The following ADAM19 variants were observed in gnomAD, a reference collection of about 807,000 sequenced individuals.
The protein encoded by ADAM19 is ADAM metallopeptidase domain 19, also known as disintegrin and metalloproteinase domain-containing protein 19.
A neutral mutation model predicts 114.7 loss-of-function variants in ADAM19; 65 were observed. The observed-to-expected ratio is 0.57, with a 90% CI of 0.46 to 0.70. The LOEUF is 0.70. Ranked by LOEUF, ADAM19 falls within the 30% of genes least tolerant of loss-of-function variation. ADAM19 has a pLI of 0.00. For missense variants in ADAM19, 1,063 were observed against 1,204.7 expected, an observed-to-expected ratio of 0.88 and a Z score of 1.74; for synonymous variants, 466 against 460.5, an observed-to-expected ratio of 1.01 and a Z score of -0.15.
Position 157,492,991 on chromosome 5 carries a change from G to T in ADAM19, c.1890C>A (p.Thr630=). The change falls in exon 16 of 23, where the codon ACC becomes ACA. Residue 630 remains threonine, a synonymous_variant. Transcript: ENST00000257527. The stretch of plus-strand genomic sequence containing the variant: ...GACTCACATGGTTGTAGCCACACTT[G>T]GTTCCAGTCATCACCAGCCCTGGGT... ...MLDPGLVMTG[T]KCGYNHICFE... is the part of the protein sequence containing the mutation. The T allele has an allele frequency of 1.9e-6, 3 of 1,614,214 alleles. No individual in the cohort carries two copies. The highest frequency in any genetic ancestry group is 1.1e-5 in the South Asian group (1 of 91,084).
At chr5:157,562,097 C>A (rs989857094) in intron 3 of ADAM19, among the ~76,000 whole-genome samples, 1 of 152,128 alleles carries the variant, frequency 6.6e-6, no homozygotes, top group African/African-American at 2.4e-5. Flanking sequence ...TGTTTTGAAT[C>A]CGGACTCGCA....
chr5:157,537,855 T>C, intron 4 of ADAM19, 58 bp downstream of exon 4: 2 of 1,488,194 alleles, frequency 1.3e-6, no homozygotes, highest in East Asian at 2.3e-5. Flanking sequence ...CCTGAGGTCC[T>C]AGGAGTAGGG....
chr5:157,500,793 A>G (rs1394313723), intron 12 of ADAM19, among the ~76,000 whole-genome samples: 1 of 152,160 alleles, frequency 6.6e-6, no homozygotes, highest in East Asian at 1.9e-4. Context: ...GAGGCGTTCC[A>G]GTGACCCTGA....
intron 3 of ADAM19, among the ~76,000 whole-genome samples, chr5:157,561,920 G>A (rs891263819): frequency 2.6e-4 from 39 of 150,150 alleles, no homozygotes; most frequent in Admixed American, 2.4e-3. Flanking sequence ...ACAGAGGCAC[G>A]TAGATTAAAA....
chr5:157,567,745 T>A (rs764890986), intron 2 of ADAM19, among the ~76,000 whole-genome samples: 12 of 150,456 alleles, frequency 8.0e-5, no homozygotes, highest in Non-Finnish European at 7.4e-5. Context: ...TGCGGTAAGC[T>A]GAGATCACGC....
intron 1 of ADAM19, among the ~76,000 whole-genome samples, chr5:157,574,727 T>A (rs6890282): frequency 1.3e-5 from 2 of 151,916 alleles, no homozygotes; most frequent in Non-Finnish European, 2.9e-5. Context: ...AATCTGCTTA[T>A]AGCCCCCGAG....
chr5:157,509,453 C>T lies in ADAM19; in HGVS notation c.753G>A (p.Leu251=). ...ANYVDKFYRS[L]NIRIALVGLE... ...AGCCCACGAGAGCAATCCGGATGTT[C>T]AAGGATCGGTAAAACTGAAAGGACA... Residue 251 remains leucine, a synonymous_variant, in exon 9 of 23, where the codon TTG becomes TTA. Transcript: ENST00000257527. 6.3e-7 allele frequency: 1 copy of T among 1,597,180 alleles called. No individual in the cohort carries two copies. Among genetic ancestry groups the T allele is most frequent in the Non-Finnish European group, 8.5e-7 (1 of 1,170,410 alleles).
chr5:157,524,139 G>C (rs1581327215), intron 5 of ADAM19, among the ~76,000 whole-genome samples: 1 of 152,244 alleles, frequency 6.6e-6, no homozygotes, highest in Non-Finnish European at 1.5e-5. Context: ...TGTGGTTCCA[G>C]GGGCTGTCCC....
Position 157,562,403 on chromosome 5 carries a change from G to A in ADAM19, c.251+1970C>T, listed in dbSNP as rs1352114424. ...AAGCAGATGCTAGAACCACAGCCCC[G>A]GGCTCTCCTCTGGAGCCTCAGTGTG... On this transcript the variant is annotated intron_variant, in intron 3 of 22. Coordinates refer to ENST00000257527, the MANE Select transcript of ADAM19 (RefSeq NM_033274.5). Among the ~76,000 whole-genome samples the A allele has an allele frequency of 3.3e-5, 5 of 152,268 alleles. No individual in the cohort carries two copies. The South Asian group carries it at 6.2e-4, about 19-fold the overall frequency.
At chr5:157,523,416 T>C (rs886243571) in intron 5 of ADAM19, among the ~76,000 whole-genome samples, 1 of 152,228 alleles carries the variant, frequency 6.6e-6, no homozygotes, top group Non-Finnish European at 1.5e-5. Context: ...GTTAGGGTCA[T>C]GGGGTGGATC....
At chr5:157,526,654 T>C (rs916933251) in intron 5 of ADAM19, among the ~76,000 whole-genome samples, 1 of 151,730 alleles carries the variant, frequency 6.6e-6, no homozygotes, top group Non-Finnish European at 1.5e-5. Flanking sequence ...GGGGTCTTGC[T>C]TTGTCGCCCA....
At chr5:157,483,378 A>G (rs1234835953) in intron 21 of ADAM19, among the ~76,000 whole-genome samples, 1 of 152,184 alleles carries the variant, frequency 6.6e-6, no homozygotes, top group African/African-American at 2.4e-5. Context: ...ATCAGCAGAA[A>G]AATAACTAAA....
Position 157,481,018 on chromosome 5 carries a change from A to G in ADAM19, c.2704-16T>C. On this transcript the variant is annotated splice_polypyrimidine_tract_variant and intron_variant, in intron 22 of 22. Coordinates refer to ENST00000257527, the MANE Select transcript of ADAM19 (RefSeq NM_033274.5). ...ATTCTGGAAACTGGGAAGAAAAAGA[A>G]GGGAGGGAGAGAGACATCAGCTTGA... The G allele has an allele frequency of 6.2e-7, 1 of 1,614,100 alleles. No individual in the cohort carries two copies. The highest frequency in any genetic ancestry group is 8.5e-7 in the Non-Finnish European group (1 of 1,179,992).
In ADAM19 at chr5:157,503,149, T is replaced by C. The variant is rs552547183; in HGVS notation, c.1131-169A>G. ...GCCCCTTAGAACATTTACCAATACA[T>C]TAATTTAGAATTTTTTCATCCCTTG... On this transcript the variant is annotated intron_variant, in intron 11 of 22. Transcript: ENST00000257527. Among the ~76,000 whole-genome samples the C allele has an allele frequency of 9.5e-4, 145 of 152,298 alleles. 1 individual carries two copies. Among genetic ancestry groups the C allele is most frequent in the African/African-American group, 3.4e-3 (143 of 41,566 alleles).
chr5:157,518,719 T>C, intron 7 of ADAM19, 104 bp downstream of exon 7: 2 of 974,794 alleles, frequency 2.1e-6, no homozygotes, highest in Non-Finnish European at 3.3e-6. Flanking sequence ...ATAGATGAAC[T>C]GGAGAAAGAT....
chr5:157,481,572 A>G (rs1754748551), intron 22 of ADAM19: 1 of 1,501,232 alleles, frequency 6.7e-7, no homozygotes, highest in Non-Finnish European at 8.9e-7. Context: ...GACTGAAGCC[A>G]CCACAGCTCA....
intron 3 of ADAM19, among the ~76,000 whole-genome samples, chr5:157,540,462 G>C (rs143451345): frequency 7.6e-4 from 116 of 152,156 alleles, no homozygotes; most frequent in African/African-American, 1.6e-3. Context: ...ACTTAGCAAG[G>C]GGGGAGAAAT....
chr5:157,539,491 C>T (rs746515484), intron 3 of ADAM19, among the ~76,000 whole-genome samples: 5 of 152,160 alleles, frequency 3.3e-5, no homozygotes, highest in Non-Finnish European at 7.3e-5. Context: ...TCTGGGATCG[C>T]TCAGATTTCC....
At chr5:157,511,712 A>G (rs1041603656) in intron 8 of ADAM19, among the ~76,000 whole-genome samples, 14 of 152,192 alleles carry the variant, frequency 9.2e-5, no homozygotes, top group African/African-American at 2.7e-4. Flanking sequence ...CACGAGTCCA[A>G]TTCATTCCAG....
Sources: allele counts gnomAD v4.1 joint callset (sites outside exome capture counted in the v4.1 genomes callset), GRCh38; gene constraint gnomAD v4.1.1; transcripts MANE v1.5; gene names NCBI Gene and HGNC (gene_info 2026-07-23, HGNC 2026-07-21).